RAB30: variants seen among roughly 807,000 people sequenced by gnomAD.
RAB30 encodes ras-related protein Rab-30.
In RAB30, 9 loss-of-function variants were observed where a neutral mutation model predicts 25.1. The ratio of observed to expected loss-of-function variants is 0.36; its 90% CI spans 0.22 to 0.63. RAB30 has a LOEUF of 0.63. Among genes scored for constraint, RAB30 ranks in the 20% least tolerant of loss-of-function variants. The pLI is 0.69. For synonymous variants in RAB30, 77 were observed against 86.4 expected, an observed-to-expected ratio of 0.89 and a Z score of 0.60; for missense variants, 140 against 243.5, an observed-to-expected ratio of 0.58 and a Z score of 2.83.
rs1434032013 is a variant in RAB30 at position 82,976,289 on chromosome 11, T to C, written c.*5876A>G. ...TGAAAAAGAACTAATATTTGAGTGC[T>C]AACTGTTTACCAAGCACTGTACTTT... On this transcript the variant is annotated 3_prime_UTR_variant, in exon 5 of 5. Coordinates refer to ENST00000527633, the MANE Select transcript of RAB30 (RefSeq NM_001286060.2). 1.3e-5 allele frequency: 2 copies of C among 152,214 alleles called. No homozygotes were observed. Among genetic ancestry groups the C allele is most frequent in the Admixed American group, 1.3e-4 (2 of 15,280 alleles). 9.4% of individuals were successfully genotyped at this position (152,214 alleles called of 1,614,324 possible). A position where few individuals can be genotyped will look rare whatever the true frequency, so the allele number is the denominator to read the frequency against.
intron 1 of RAB30, among the ~76,000 whole-genome samples, chr11:83,030,811 AG>A (rs969490117): frequency 1.3e-5 from 2 of 151,758 alleles, no homozygotes; most frequent in African/African-American, 4.8e-5. Flanking sequence ...AAAAAAAAAA[AG>A]TCTCTTTGCA....
chr11:83,018,513 C>T (rs554164823), intron 1 of RAB30, among the ~76,000 whole-genome samples: 11 of 152,084 alleles, frequency 7.2e-5, no homozygotes, highest in African/African-American at 2.4e-4. Flanking sequence ...TATTTATGTC[C>T]TTTGACCACT....
intron 1 of RAB30, chr11:83,071,314 A>T (rs553771829): frequency 6.6e-6 from 1 of 151,758 alleles, no homozygotes; most frequent in South Asian, 2.1e-4. Flanking sequence ...CCCACGCATC[A>T]CCCCTTCCCA....
At chr11:83,071,227 A>G (rs1272473045) in intron 1 of RAB30, 2 of 152,238 alleles carry the variant, frequency 1.3e-5, no homozygotes, top group Non-Finnish European at 2.9e-5. Flanking sequence ...TTAAAAATTA[A>G]TAACTAGTGC....
chr11:83,014,656 AAGAAAGAAAG>A (rs1565277100), intron 1 of RAB30, among the ~76,000 whole-genome samples: 31 of 148,860 alleles, frequency 2.1e-4, no homozygotes, highest in African/African-American at 7.0e-4. Context: ...GAAAGAAAGA[AAGAAAGAAAG>A]AAAGAAAGAA....
chr11:83,043,212 C>G (rs1332542711), intron 1 of RAB30, among the ~76,000 whole-genome samples: 1 of 152,168 alleles, frequency 6.6e-6, no homozygotes, highest in Admixed American at 6.5e-5. Flanking sequence ...AGAACCTTCC[C>G]ATAAGCCATG....
At chr11:83,049,353 G>C (rs1016775145) in intron 1 of RAB30, among the ~76,000 whole-genome samples, 5 of 151,160 alleles carry the variant, frequency 3.3e-5, no homozygotes, top group African/African-American at 1.2e-4. Flanking sequence ...GGAGGTTGCA[G>C]TGAGCCGAGA....
chr11:82,984,737 C>T (rs545585470), intron 4 of RAB30, among the ~76,000 whole-genome samples: 37 of 152,258 alleles, frequency 2.4e-4, no homozygotes, highest in Middle Eastern at 3.4e-3. Context: ...CCTCTAAATA[C>T]GACTTCCCAT....
In RAB30 at chr11:83,032,851, T is replaced by A. The variant is rs745729593; in HGVS notation, c.-8-35527A>T. Reference sequence around the variant, plus strand: ...CTCTTGGGAGTAACATCAGGGAACATTTATACCCAATATTAATTAAAATGA... The same window carrying A: ...CTCTTGGGAGTAACATCAGGGAACAATTATACCCAATATTAATTAAAATGA... On this transcript the variant is annotated intron_variant, in intron 1 of 4. Transcript: ENST00000527633. Among the ~76,000 whole-genome samples the A allele has an allele frequency of 3.0e-4, 45 of 152,156 alleles. 1 individual carries two copies. Among genetic ancestry groups the A allele is most frequent in the Middle Eastern group, 3.4e-3 (1 of 294 alleles).
chr11:83,068,904 C>T (rs1368179571), intron 1 of RAB30, among the ~76,000 whole-genome samples: 1 of 152,156 alleles, frequency 6.6e-6, no homozygotes. Context: ...ATCACACTTG[C>T]AATTATTTAT....
intron 1 of RAB30, among the ~76,000 whole-genome samples, chr11:83,020,031 G>C (rs11600848): frequency 0.27 from 41,366 of 152,222 alleles, 6,193 homozygotes; most frequent in African/African-American, 0.4. Context: ...GAGCTGGCGA[G>C]AGCCAGGGAC....
intron 3 of RAB30, among the ~76,000 whole-genome samples, chr11:82,988,479 C>T (rs367891972): frequency 3.1e-4 from 47 of 152,344 alleles, no homozygotes; most frequent in South Asian, 1.7e-3. Context: ...AATTTTCCTT[C>T]AGGTCTCTTA....
chr11:83,017,274 G>C (rs977031465), intron 1 of RAB30, among the ~76,000 whole-genome samples: 1 of 152,128 alleles, frequency 6.6e-6, no homozygotes, highest in African/African-American at 2.4e-5. Flanking sequence ...GAAGTAGAGG[G>C]TGCAGTGAGC....
At position 83,053,816 on chromosome 11, in the gene RAB30, G is replaced by A. The variant is rs574214513; in HGVS notation, c.-9+17875C>T. ...GACTTTAATAAATAAGTGGCCAAGT[G>A]TTATGGTTCATGCCTGTAATCCCAG... is the stretch of plus-strand genomic sequence containing the variant. On this transcript the variant is annotated intron_variant, in intron 1 of 4. Coordinates refer to ENST00000527633, the MANE Select transcript of RAB30 (RefSeq NM_001286060.2). Among the ~76,000 whole-genome samples the A allele has an allele frequency of 2.0e-5, 3 of 152,302 alleles. No homozygotes were observed. The South Asian group carries it at 6.2e-4, about 32-fold the overall frequency.
intron 1 of RAB30, among the ~76,000 whole-genome samples, chr11:83,053,336 A>G (rs1311362004): frequency 6.6e-6 from 1 of 152,210 alleles, no homozygotes; most frequent in Non-Finnish European, 1.5e-5. Context: ...TTATAAATGC[A>G]AAGGGCAGAG....
Position 82,982,244 on chromosome 11 carries a change from G to T in RAB30, c.533C>A (p.Thr178Lys). 1 of 1,614,226 alleles carries T rather than the reference G, an allele frequency of 6.2e-7. No individual in the cohort carries two copies. The highest frequency in any genetic ancestry group is 8.5e-7 in the Non-Finnish European group (1 of 1,180,028). ...CRLISEARQN[T>K]LVNNVSSPLP... The stretch of plus-strand genomic sequence containing the variant: ...GGGTGAGGATACATTGTTCACAAGT[G>T]TGTTCTGTCTGGCTTCACTGATGAG... The change falls in exon 5 of 5, where the codon ACA becomes AAA. Residue 178 changes from threonine to lysine, a missense_variant. Transcript: ENST00000527633.
intron 1 of RAB30, among the ~76,000 whole-genome samples, chr11:83,032,948 C>T (rs944161718): frequency 6.6e-6 from 1 of 151,836 alleles, no homozygotes; most frequent in African/African-American, 2.4e-5. Flanking sequence ...ATATGAAATA[C>T]CCGACATCTT....
intron 4 of RAB30, among the ~76,000 whole-genome samples, 191 bp from the exon 5 acceptor site, chr11:82,982,606 G>C (rs758874206): frequency 6.6e-6 from 1 of 152,206 alleles, no homozygotes; most frequent in Non-Finnish European, 1.5e-5. Flanking sequence ...GCTCACACCT[G>C]TAATCCCAGC....
At chr11:83,005,565 C>T (rs1411312289) in intron 1 of RAB30, among the ~76,000 whole-genome samples, 1 of 152,090 alleles carries the variant, frequency 6.6e-6, no homozygotes, top group Non-Finnish European at 1.5e-5. Context: ...GGAGGTCTGT[C>T]TCACTCCTTA....
Sources: allele counts gnomAD v4.1 joint callset (sites outside exome capture counted in the v4.1 genomes callset), GRCh38; gene constraint gnomAD v4.1.1; transcripts MANE v1.5; gene names NCBI Gene and HGNC (gene_info 2026-07-23, HGNC 2026-07-21).